FHIT: variants seen among roughly 807,000 people sequenced by gnomAD.
The protein encoded by FHIT is fragile histidine triad diadenosine triphosphatase.
Under a neutral mutation model 17.9 loss-of-function variants are expected in FHIT, and 19 were observed. The observed-to-expected ratio is 1.06, with a 90% CI of 0.74 to 1.56. FHIT has a LOEUF of 1.56. Ranked by LOEUF, FHIT falls within the 40% of genes most tolerant of loss-of-function variation. The pLI, the probability that FHIT is intolerant of heterozygous loss-of-function variation, is 0.00. For missense variants in FHIT, 248 were observed against 189.2 expected (o/e 1.31, Z -1.82); for synonymous variants, 81 against 69.7 (o/e 1.16, Z -0.81).
At chr3:60,088,369 G>A (rs1193178435) in intron 5 of FHIT, among the ~76,000 whole-genome samples, 3 of 152,162 alleles carry the variant, frequency 2.0e-5, no homozygotes, top group Non-Finnish European at 4.4e-5. Context: ...GTATTTAAAT[G>A]TTAGTCAGGA....
At chr3:60,807,871 G>A (rs1465965380) in intron 4 of FHIT, among the ~76,000 whole-genome samples, 1 of 151,958 alleles carries the variant, frequency 6.6e-6, no homozygotes, top group Non-Finnish European at 1.5e-5. Flanking sequence ...AAGGAAAAAA[G>A]AGGCTAAGAT....
chr3:60,103,366 T>C (rs1479873483), intron 5 of FHIT, among the ~76,000 whole-genome samples: 1 of 152,166 alleles, frequency 6.6e-6, no homozygotes, highest in Non-Finnish European at 1.5e-5. Flanking sequence ...ATTTTACACA[T>C]ACATGGGAAT....
chr3:60,792,157 C>G (rs1467212323), intron 4 of FHIT, among the ~76,000 whole-genome samples: 1 of 152,206 alleles, frequency 6.6e-6, no homozygotes, highest in Non-Finnish European at 1.5e-5. Context: ...AAGACCTCCT[C>G]ACACTCCTCT....
chr3:59,903,177 C>T (rs1455628310), intron 8 of FHIT, among the ~76,000 whole-genome samples: 1 of 152,070 alleles, frequency 6.6e-6, no homozygotes, highest in East Asian at 1.9e-4. Flanking sequence ...ATGGAAAAGA[C>T]AGTGGCACAC....
chr3:60,011,139 G>A lies in FHIT; in HGVS notation c.279+232C>T, dbSNP rs187671108. Among the ~76,000 whole-genome samples the A allele has an allele frequency of 6.7e-4, 100 of 150,246 alleles. No individual in the cohort carries two copies. In the East Asian group the frequency reaches 0.018, roughly 27 times the overall value. Reference sequence around the variant, plus strand: ...TCCTTGATTTAGTTTCTGTTTTAGCGTTTGCACAATAATAATTTTACTACT... The same window carrying A: ...TCCTTGATTTAGTTTCTGTTTTAGCATTTGCACAATAATAATTTTACTACT... On this transcript the variant is annotated intron_variant, in intron 7 of 9. Transcript: ENST00000492590.
chr3:61,074,303 T>G (rs2034902168), intron 2 of FHIT, among the ~76,000 whole-genome samples: 1 of 152,068 alleles, frequency 6.6e-6, no homozygotes, highest in Non-Finnish European at 1.5e-5. Context: ...AAATGAGACA[T>G]CTCTAACTGT....
intron 5 of FHIT, among the ~76,000 whole-genome samples, chr3:60,534,259 C>A (rs139378064): frequency 1.1e-4 from 14 of 121,870 alleles, no homozygotes; most frequent in African/African-American, 4.5e-4. Flanking sequence ...AACCCCGTCT[C>A]TACTAAAAAT....
intron 4 of FHIT, among the ~76,000 whole-genome samples, chr3:60,764,751 AACATATAATT>A (rs1699790606): frequency 6.6e-6 from 1 of 150,954 alleles, no homozygotes; most frequent in Non-Finnish European, 1.5e-5. Context: ...GTTAATATAC[AACATATAATT>A]ACATATAATT....
chr3:60,865,588 G>C (rs1553753674), intron 3 of FHIT, among the ~76,000 whole-genome samples: 1 of 152,102 alleles, frequency 6.6e-6, no homozygotes, highest in Admixed American at 6.6e-5. Flanking sequence ...AGTATGAAGA[G>C]AGTCTATATC....
At chr3:60,400,774 G>A (rs140426898) in intron 5 of FHIT, among the ~76,000 whole-genome samples, 2 of 152,124 alleles carry the variant, frequency 1.3e-5, no homozygotes, top group African/African-American at 2.4e-5. Context: ...TAGGGAGTAC[G>A]AAATCTCTCT....
At chr3:60,814,650 T>G (rs1323689074) in intron 4 of FHIT, among the ~76,000 whole-genome samples, 1 of 152,200 alleles carries the variant, frequency 6.6e-6, no homozygotes, top group Non-Finnish European at 1.5e-5. Context: ...CTATTGTGAA[T>G]AGTGCTGTGA....
rs142430717 is a variant in FHIT, at chr3:60,296,569, T to C, written c.103+240291A>G. ...TTAGATAATAGCCCTGTTTTGGATATGTGGTTTTCAAATATTTACTCCCAG... is the reference window on the plus strand; with the variant it reads ...TTAGATAATAGCCCTGTTTTGGATACGTGGTTTTCAAATATTTACTCCCAG... On this transcript the variant is annotated intron_variant, in intron 5 of 9. Coordinates refer to ENST00000492590, the MANE Select transcript of FHIT (RefSeq NM_002012.4). Among the ~76,000 whole-genome samples, 40 of 152,206 alleles carry C rather than the reference T, an allele frequency of 2.6e-4. No homozygotes were observed. The East Asian group carries it at 6.0e-3, about 23-fold the overall frequency.
At chr3:59,792,861 T>G (rs1699621695) in intron 8 of FHIT, among the ~76,000 whole-genome samples, 1 of 122,980 alleles carries the variant, frequency 8.1e-6, no homozygotes. Context: ...AGTTTGGAGG[T>G]CCTTATTTTT....
At chr3:60,480,677 A>G (rs1351790186) in intron 5 of FHIT, among the ~76,000 whole-genome samples, 1 of 152,206 alleles carries the variant, frequency 6.6e-6, no homozygotes, top group East Asian at 1.9e-4. Context: ...TTAAAGCTCC[A>G]AAATGATCTC....
intron 3 of FHIT, among the ~76,000 whole-genome samples, chr3:60,845,256 T>A (rs1477821683): frequency 6.6e-6 from 1 of 152,014 alleles, no homozygotes; most frequent in East Asian, 1.9e-4. Flanking sequence ...AATAAAATTT[T>A]TTTTGTGATG....
intron 8 of FHIT, among the ~76,000 whole-genome samples, chr3:59,795,958 G>C (rs924505819): frequency 2.0e-5 from 3 of 152,088 alleles, no homozygotes; most frequent in African/African-American, 7.2e-5. Context: ...GTCTCTACCA[G>C]AACTCGACTG....
Position 60,505,356 on chromosome 3 carries a change from C to A in FHIT, c.103+31504G>T, listed in dbSNP as rs75842107. Among the ~76,000 whole-genome samples, 6 of 152,090 alleles carry A rather than the reference C, an allele frequency of 3.9e-5. No individual in the cohort carries two copies. The East Asian group carries it at 1.2e-3, about 29-fold the overall frequency. On this transcript the variant is annotated intron_variant, in intron 5 of 9. Coordinates refer to ENST00000492590, the MANE Select transcript of FHIT (RefSeq NM_002012.4). The stretch of plus-strand genomic sequence containing the variant: ...AGCTTACTTCCATACCCCTAGGCTT[C>A]TTTCAGCATCTGTGTAAAGGGCCAT...
chr3:60,616,059 T>C (rs1403527531), intron 4 of FHIT, among the ~76,000 whole-genome samples: 1 of 152,228 alleles, frequency 6.6e-6, no homozygotes, highest in Non-Finnish European at 1.5e-5. Context: ...TTGTCAGTAA[T>C]ATCACTTGTC....
intron 4 of FHIT, among the ~76,000 whole-genome samples, chr3:60,739,186 C>T (rs1553713333): frequency 6.6e-6 from 1 of 152,214 alleles, no homozygotes; most frequent in Admixed American, 6.5e-5. Flanking sequence ...TGCATGCATC[C>T]TTCAAGCCTG....
Sources: gnomAD v4.1 joint callset for allele counts (sites outside exome capture counted in the v4.1 genomes callset) on GRCh38, gnomAD v4.1.1 for gene constraint, MANE v1.5 for transcripts, NCBI Gene and HGNC (gene_info 2026-07-23, HGNC 2026-07-21) for gene names.